TRAIP: variants seen among roughly 807,000 people sequenced by gnomAD.
TRAIP encodes TRAF interacting protein, also known as E3 ubiquitin-protein ligase TRAIP.
A neutral mutation model predicts 65.0 loss-of-function variants in TRAIP; 37 were observed. That is an observed-to-expected ratio of 0.57 (90% CI 0.44 to 0.75). The LOEUF is 0.75. Ranked by LOEUF, TRAIP falls within the 30% of genes least tolerant of loss-of-function variation. TRAIP has a pLI of 0.00. For synonymous variants in TRAIP, 187 were observed against 219.1 expected, an observed-to-expected ratio of 0.85 and a Z score of 1.29; for missense variants, 481 against 579.4, an observed-to-expected ratio of 0.83 and a Z score of 1.74.
intron 1 of TRAIP, among the ~76,000 whole-genome samples, chr3:49,849,259 C>T (rs1048002367): frequency 6.6e-6 from 1 of 152,084 alleles, no homozygotes; most frequent in Non-Finnish European, 1.5e-5. Flanking sequence ...CTCCTCCCAC[C>T]TCAGCCTCCC....
intron 1 of TRAIP, among the ~76,000 whole-genome samples, chr3:49,851,883 A>C (rs1559452458): frequency 6.8e-6 from 1 of 147,248 alleles, no homozygotes; most frequent in Non-Finnish European, 1.5e-5. Context: ...ATTTTTAGTA[A>C]AGACGGGGTT....
rs563923940 is a variant in TRAIP, at chr3:49,856,510, G to T, written c.-57C>A. The T allele has an allele frequency of 1.3e-6, 2 of 1,507,500 alleles. No individual in the cohort carries two copies. The highest frequency in any genetic ancestry group is 1.4e-5 in the African/African-American group (1 of 71,982). 93.4% of individuals were successfully genotyped at this position (1,507,500 alleles called of 1,614,324 possible). A position where few individuals can be genotyped will look rare whatever the true frequency, so the allele number is the denominator to read the frequency against. On this transcript the variant is annotated 5_prime_UTR_variant, in exon 1 of 15. Coordinates refer to ENST00000331456, the MANE Select transcript of TRAIP (RefSeq NM_005879.3). ...AAGAAACTGCTACAGGTCCGGCTTC[G>T]TAGACGCGCCCCCGCGCCTCCGCTT...
In TRAIP at chr3:49,835,658, G is replaced by A. The variant is rs147874056; in HGVS notation, c.885-3590C>T. ...TCTTAAAAAACTTAAGAAACTTCTTGGCCGGGCACGGTGGCGCACACCTGT... is the reference window on the plus strand; with the variant it reads ...TCTTAAAAAACTTAAGAAACTTCTTAGCCGGGCACGGTGGCGCACACCTGT... On this transcript the variant is annotated intron_variant, in intron 10 of 14. Transcript: ENST00000331456. Among the ~76,000 whole-genome samples the A allele has an allele frequency of 4.6e-5, 7 of 152,180 alleles. No individual in the cohort carries two copies. In the East Asian group the frequency reaches 1.2e-3, roughly 25 times the overall value.
chr3:49,829,868 G>A (rs2081717349), intron 12 of TRAIP, 102 bp from the exon 13 acceptor site: 6 of 1,556,946 alleles, frequency 3.9e-6, no homozygotes, highest in Admixed American at 1.7e-5. Context: ...TGCCTCACTA[G>A]GAGGCAGGAG....
intron 11 of TRAIP, among the ~76,000 whole-genome samples, chr3:49,831,550 G>A (rs1281371867): frequency 6.6e-6 from 1 of 152,222 alleles, no homozygotes; most frequent in South Asian, 2.1e-4. Flanking sequence ...AGCCTCAGAG[G>A]CAAACATAGA....
At chr3:49,831,767 A>C in intron 11 of TRAIP, 149 bp downstream of exon 11, 3 of 793,434 alleles carry the variant, frequency 3.8e-6, no homozygotes, top group Non-Finnish European at 3.6e-6. Flanking sequence ...AGGTGAGGGA[A>C]CAAGAGGTAG....
rs915486662 is a variant in TRAIP, at chr3:49,829,910, G to A, written c.1086+110C>T. On this transcript the variant is annotated intron_variant, in intron 12 of 14. Transcript: ENST00000331456. ...TGAGTAGAATCCCAAGGGTGGCTCC[G>A]AAGTACCTCAGTCCTGGACCAGGAG... is the stretch of plus-strand genomic sequence containing the variant. 70 of 1,581,430 alleles carry A rather than the reference G, an allele frequency of 4.4e-5. No homozygotes were observed. In the South Asian group the frequency reaches 4.7e-4, roughly 11 times the overall value.
intron 1 of TRAIP, among the ~76,000 whole-genome samples, chr3:49,850,355 C>T (rs1052921959): frequency 5.9e-5 from 9 of 151,822 alleles, no homozygotes; most frequent in East Asian, 2.0e-4. Context: ...AAAAATTAGC[C>T]GGGTGTGGTG....
At position 49,832,076 on chromosome 3, in the gene TRAIP, C is replaced by G; in HGVS notation, c.885-8G>C. On this transcript the variant is annotated splice_region_variant and splice_polypyrimidine_tract_variant and intron_variant, in intron 10 of 14. Transcript: ENST00000331456. ...ACCTCCACAGGGGCTGGGCTGAAGG[C>G]AGAGATGACCTGGTTACTTGGGGCC... 1 of 1,570,628 alleles carries G rather than the reference C, an allele frequency of 6.4e-7. No homozygotes were observed. Among genetic ancestry groups the G allele is most frequent in the Non-Finnish European group, 8.6e-7 (1 of 1,157,884 alleles).
chr3:49,843,927 G>A lies in TRAIP; in HGVS notation c.282C>T (p.Asp94=). 6.2e-7 allele frequency: 1 copy of A among 1,607,464 alleles called. No individual in the cohort carries two copies. Among genetic ancestry groups the A allele is most frequent in the Non-Finnish European group, 8.5e-7 (1 of 1,174,546 alleles). Residue 94 remains aspartate, a splice_region_variant and synonymous_variant, in exon 5 of 15, where the codon GAC becomes GAT. Coordinates refer to ENST00000331456, the MANE Select transcript of TRAIP (RefSeq NM_005879.3). ...TGACCTGGCTGTCTCGTTTCTCCTT[G>A]TCTGGAGCAGGGGTAGAGGGCGGAG... is the stretch of plus-strand genomic sequence containing the variant. ...DNVRAQLSQK[D]KEKRDSQVII... is the part of the protein sequence containing the mutation.
rs529074936 is a variant in TRAIP at position 49,856,550 on chromosome 3, T to G, written c.-97A>C. The G allele has an allele frequency of 1.6e-5, 17 of 1,074,720 alleles. No individual in the cohort carries two copies. Among genetic ancestry groups the G allele is most frequent in the African/African-American group, 3.2e-5 (2 of 62,616 alleles). 66.6% of individuals were successfully genotyped at this position (1,074,720 alleles called of 1,614,324 possible). A position where few individuals can be genotyped will look rare whatever the true frequency, so the allele number is the denominator to read the frequency against. On this transcript the variant is annotated 5_prime_UTR_variant, in exon 1 of 15. Coordinates refer to ENST00000331456, the MANE Select transcript of TRAIP (RefSeq NM_005879.3). ...CGCCTCCGCTTGCTTCAAATTTGGC[T>G]CCGCAGCACGACTTCCTGGAGCGGG...
chr3:49,841,716 C>A, intron 7 of TRAIP, 110 bp downstream of exon 7: 1 of 791,026 alleles, frequency 1.3e-6, no homozygotes. Context: ...AGCATGGCTC[C>A]AGAGTTTGCC....
In TRAIP at chr3:49,829,125, A is replaced by C; in HGVS notation, c.1388T>G (p.Leu463Arg). The change falls in exon 15 of 15, where the codon CTG (leucine) becomes CGG (arginine). Residue 463 changes from leucine (L) to arginine (R), a missense_variant. Physicochemically the swap from Leu to Arg is moderately radical, Grantham distance 102. Transcript: ENST00000331456. ...KTVPSLFQAKLDTFLWS is the reference protein window; with the variant it reads ...KTVPSLFQAKRDTFLWS ...TTCTCACGACCACAGGAAGGTGTCC[A>C]GCTTGGCCTGGAAGAGAGAAGGCAC... 6.2e-7 allele frequency: 1 copy of C among 1,614,250 alleles called. No homozygotes were observed. Among genetic ancestry groups the C allele is most frequent in the South Asian group, 1.1e-5 (1 of 91,090 alleles).
chr3:49,842,521 C>G lies in TRAIP; in HGVS notation c.435G>C (p.Gln145His). The change falls in exon 6 of 15, where the codon CAG (glutamine) becomes CAC (histidine). Residue 145 changes from glutamine (Q) to histidine (H), a missense_variant. Physicochemically the swap from Gln to His is conservative, Grantham distance 24. Transcript: ENST00000331456. ...CTTGTGCTTGTTTGGTCTCATCCTG[C>G]TGCTGCTCTAAGTACTTCATCTGCT... is the stretch of plus-strand genomic sequence containing the variant. Reference protein sequence around the residue: ...LKKQMKYLEQQQDETKQAQEE... With the variant: ...LKKQMKYLEQHQDETKQAQEE... The G allele has an allele frequency of 1.9e-6, 3 of 1,613,948 alleles. No individual in the cohort carries two copies. Among genetic ancestry groups the G allele is most frequent in the Non-Finnish European group, 2.5e-6 (3 of 1,180,010 alleles).
At position 49,831,903 on chromosome 3, in the gene TRAIP, G is replaced by A. The variant is rs368594295; in HGVS notation, c.1037+13C>T. On this transcript the variant is annotated intron_variant, in intron 11 of 14. Transcript: ENST00000331456. Reference sequence around the variant, plus strand: ...CTACCAGCCCATGGACAGTGCCAGCGACTATCACTCACTGTGACTTCTCTA... The same window carrying A: ...CTACCAGCCCATGGACAGTGCCAGCAACTATCACTCACTGTGACTTCTCTA... The A allele has an allele frequency of 3.2e-5, 49 of 1,549,500 alleles. No homozygotes were observed. Among genetic ancestry groups the A allele is most frequent in the Non-Finnish European group, 3.8e-5 (43 of 1,144,838 alleles).
In TRAIP at chr3:49,856,390, C is replaced by A; in HGVS notation, c.64G>T (p.Ala22Ser). 1 of 1,613,734 alleles carries A rather than the reference C, an allele frequency of 6.2e-7. No homozygotes were observed. The highest frequency in any genetic ancestry group is 1.1e-5 in the South Asian group (1 of 91,060). The change falls in exon 1 of 15, where the codon GCC becomes TCC. Residue 22 changes from alanine (A) to serine (S), a missense_variant. Transcript: ENST00000331456. ...DFFDHSRDVA[A>S]IHCGHTFHLQ... ...TGGAAGGTGTGGCCGCAGTGGATGGCGGCCACGTCGCGGGAGTGATCGAAG... is the reference window on the plus strand; with the variant it reads ...TGGAAGGTGTGGCCGCAGTGGATGGAGGCCACGTCGCGGGAGTGATCGAAG...
chr3:49,850,048 T>C (rs1189411672), intron 1 of TRAIP, among the ~76,000 whole-genome samples: 1 of 151,660 alleles, frequency 6.6e-6, no homozygotes, highest in African/African-American at 2.4e-5. Context: ...ATGTACAACA[T>C]ATAATCAAGA....
At chr3:49,838,394 A>T (rs906030199) in intron 10 of TRAIP, among the ~76,000 whole-genome samples, 1 of 152,172 alleles carries the variant, frequency 6.6e-6, no homozygotes, top group African/African-American at 2.4e-5. Flanking sequence ...CCCGTCCCCA[A>T]CTGGGAGCTA....
At position 49,829,002 on chromosome 3, in the gene TRAIP, T is replaced by C; in HGVS notation, c.*101A>G. On this transcript the variant is annotated 3_prime_UTR_variant, in exon 15 of 15. Coordinates refer to ENST00000331456, the MANE Select transcript of TRAIP (RefSeq NM_005879.3). ...GTTTGTCTGCCCTTACACCTCAGGC[T>C]GGTCCCGAAAGTGGGGCTCTGTCCA... 6.5e-7 allele frequency: 1 copy of C among 1,544,708 alleles called. No individual in the cohort carries two copies. Among genetic ancestry groups the C allele is most frequent in the Non-Finnish European group, 8.9e-7 (1 of 1,124,966 alleles).
Sources: gnomAD v4.1 joint callset for allele counts (sites outside exome capture counted in the v4.1 genomes callset) on GRCh38, gnomAD v4.1.1 for gene constraint, MANE v1.5 for transcripts, NCBI Gene and HGNC (gene_info 2026-07-23, HGNC 2026-07-21) for gene names.